CCDC192: variants seen among roughly 807,000 people sequenced by gnomAD.
CCDC192 encodes the protein coiled-coil domain containing 192.
intron 6 of CCDC192, among the ~76,000 whole-genome samples, chr5:127,883,713 C>T (rs1752444575): frequency 6.6e-6 from 1 of 152,128 alleles, no homozygotes; most frequent in Non-Finnish European, 1.5e-5. Context: ...AGGCTGTGGC[C>T]TAATTCAATA....
chr5:127,818,493 A>G (rs572325516), intron 5 of CCDC192, among the ~76,000 whole-genome samples: 1 of 152,200 alleles, frequency 6.6e-6, no homozygotes, highest in African/African-American at 2.4e-5. Context: ...CTAATGTGCA[A>G]CCAAAGTTTG....
chr5:127,737,399 A>G (rs1056821663), intron 2 of CCDC192, among the ~76,000 whole-genome samples: 2 of 151,992 alleles, frequency 1.3e-5, no homozygotes, highest in Admixed American at 6.6e-5. Context: ...AAAAAAATGT[A>G]TATTCTGTTG....
chr5:127,707,312 T>C (rs1384930581), intron 1 of CCDC192, among the ~76,000 whole-genome samples: 1 of 151,522 alleles, frequency 6.6e-6, no homozygotes, highest in Non-Finnish European at 1.5e-5. Flanking sequence ...ATCCAGGAGA[T>C]AGAGAGAGAA....
At chr5:127,856,926 C>G (rs78194677) in intron 5 of CCDC192, among the ~76,000 whole-genome samples, 1 of 152,122 alleles carries the variant, frequency 6.6e-6, no homozygotes, top group Non-Finnish European at 1.5e-5. Flanking sequence ...GATGAAAAGT[C>G]TGAAATATTA....
At chr5:127,862,858 T>C (rs890688594) in intron 5 of CCDC192, among the ~76,000 whole-genome samples, 2 of 151,166 alleles carry the variant, frequency 1.3e-5, no homozygotes, top group Non-Finnish European at 2.9e-5. Context: ...CTATCTGTCA[T>C]GGAGGTTTTG....
chr5:127,790,536 A>G (rs1174924281), intron 3 of CCDC192, among the ~76,000 whole-genome samples: 1 of 152,126 alleles, frequency 6.6e-6, no homozygotes, highest in East Asian at 1.9e-4. Context: ...TTACTGTACT[A>G]ATGAGTACTA....
At chr5:127,709,589 G>A (rs1213119056) in intron 2 of CCDC192, among the ~76,000 whole-genome samples, 2 of 152,212 alleles carry the variant, frequency 1.3e-5, no homozygotes, top group South Asian at 4.2e-4. Flanking sequence ...AGACAAACTG[G>A]ACATAGCTCT....
intron 5 of CCDC192, among the ~76,000 whole-genome samples, chr5:127,799,383 T>C (rs963593744): frequency 7.2e-5 from 11 of 152,182 alleles, no homozygotes; most frequent in Admixed American, 2.6e-4. Context: ...ATATTGAAAA[T>C]GACTAAGGCT....
intron 5 of CCDC192, among the ~76,000 whole-genome samples, chr5:127,874,507 T>C: frequency 6.6e-6 from 1 of 152,166 alleles, no homozygotes; most frequent in East Asian, 1.9e-4. Context: ...TTTGATAAAT[T>C]GATTTTACTG....
intron 5 of CCDC192, among the ~76,000 whole-genome samples, chr5:127,845,487 C>T (rs1285955390): frequency 6.6e-6 from 1 of 152,144 alleles, no homozygotes; most frequent in African/African-American, 2.4e-5. Context: ...TGACCGAGCT[C>T]AGGGAGGTGG....
At chr5:127,910,601 A>G (rs757176054) in intron 6 of CCDC192, among the ~76,000 whole-genome samples, 19 of 152,248 alleles carry the variant, frequency 1.2e-4, no homozygotes, top group Non-Finnish European at 1.9e-4. Context: ...GTAGAAGCGT[A>G]AATAACTGAA....
rs148228496 is a variant in CCDC192 at position 127,896,526 on chromosome 5, C to T, written c.535+20865C>T. 3.8e-3 allele frequency among the ~76,000 whole-genome samples: 584 copies of T among 152,050 alleles called. 3 individuals are homozygous for T. Among genetic ancestry groups the T allele is most frequent in the African/African-American group, 0.013 (549 of 41,468 alleles). ...TCGGCTCACCACAACCTCTGCCTCC[C>T]GGGTTCAAGGGATTCTCCTGCTTCA... On this transcript the variant is annotated intron_variant, in intron 6 of 6. Coordinates refer to ENST00000514853, the MANE Select transcript of CCDC192 (RefSeq NM_001317938.2).
intron 5 of CCDC192, among the ~76,000 whole-genome samples, chr5:127,842,084 C>T (rs913878703): frequency 6.6e-6 from 1 of 152,194 alleles, no homozygotes; most frequent in East Asian, 1.9e-4. Flanking sequence ...GGTGCCAGCT[C>T]CTCTGAATTT....
At chr5:127,922,405 C>A (rs1753747470) in intron 6 of CCDC192, among the ~76,000 whole-genome samples, 1 of 152,206 alleles carries the variant, frequency 6.6e-6, no homozygotes, top group African/African-American at 2.4e-5. Flanking sequence ...CCTTTCATTT[C>A]TGTTATAAAT....
chr5:127,875,176 G>GA (rs1391751509), intron 5 of CCDC192, among the ~76,000 whole-genome samples: 1 of 151,774 alleles, frequency 6.6e-6, no homozygotes, highest in Non-Finnish European at 1.5e-5. Flanking sequence ...TTACAGATGG[G>GA]AAAAAAAATC....
chr5:127,873,435 C>A (rs937388160), intron 5 of CCDC192, among the ~76,000 whole-genome samples: 4 of 152,146 alleles, frequency 2.6e-5, no homozygotes, highest in Non-Finnish European at 5.9e-5. Context: ...AAACTAGATT[C>A]TATAGTGAAT....
intron 6 of CCDC192, among the ~76,000 whole-genome samples, chr5:127,928,925 C>T (rs12173231): frequency 0.1 from 15,164 of 151,986 alleles, 1,524 homozygotes; most frequent in East Asian, 0.3. Context: ...TGCCACCACG[C>T]CCAGCTAGTT....
chr5:127,791,122 GAGA>G (rs1756842150), intron 3 of CCDC192, among the ~76,000 whole-genome samples: 1 of 152,176 alleles, frequency 6.6e-6, no homozygotes, highest in Non-Finnish European at 1.5e-5. Flanking sequence ...AGTTTGGAAG[GAGA>G]AGATCATTTA....
chr5:127,779,364 C>T (rs954280485), intron 3 of CCDC192, among the ~76,000 whole-genome samples: 5 of 151,606 alleles, frequency 3.3e-5, no homozygotes, highest in Non-Finnish European at 2.9e-5. Flanking sequence ...GGTGTGATCT[C>T]GGCTCACTGC....
Sources: gnomAD v4.1 joint callset for allele counts (sites outside exome capture counted in the v4.1 genomes callset) on GRCh38, gnomAD v4.1.1 for gene constraint, MANE v1.5 for transcripts, NCBI Gene and HGNC (gene_info 2026-07-23, HGNC 2026-07-21) for gene names.